SHISA9: variants seen among roughly 807,000 people sequenced by gnomAD.
SHISA9 encodes the protein shisa family member 9.
In SHISA9, 13 loss-of-function variants were observed where a neutral mutation model predicts 38.0. The ratio of observed to expected loss-of-function variants is 0.34; its 90% CI spans 0.22 to 0.54. The LOEUF is 0.54. Among genes scored for constraint, SHISA9 ranks in the 20% least tolerant of loss-of-function variants. The pLI is 0.91. For synonymous variants in SHISA9, 275 were observed against 242.0 expected, an observed-to-expected ratio of 1.14 and a Z score of -1.27; for missense variants, 538 against 575.8, an observed-to-expected ratio of 0.93 and a Z score of 0.67.
chr16:13,176,655 G>A (rs943353249), intron 2 of SHISA9, among the ~76,000 whole-genome samples: 20 of 152,006 alleles, frequency 1.3e-4, no homozygotes, highest in African/African-American at 4.6e-4. Context: ...CATAACTAGT[G>A]ATGCCCATTC....
At chr16:13,234,984 CTCTTCTCTT>C in intron 4 of SHISA9, 37 bp from the exon 5 acceptor site, 1 of 1,492,904 alleles carries the variant, frequency 6.7e-7, no homozygotes, top group East Asian at 2.5e-5. Flanking sequence ...CTCTCTCTCT[CTCTTCTCTT>C]TCTTCCCCTT....
chr16:13,015,894 C>CTTTCTTTCTTTCTT (rs1555454834), intron 2 of SHISA9, among the ~76,000 whole-genome samples: 125 of 126,308 alleles, frequency 9.9e-4, no homozygotes, highest in African/African-American at 4.0e-3. Flanking sequence ...TTCTTTCTTT[C>CTTTCTTTCTTTCTT]TTTCTTTCTT....
intron 2 of SHISA9, among the ~76,000 whole-genome samples, chr16:13,187,328 C>CTTTTCTTTTCTTTTTTTTTTTTTTT (rs1450024008): frequency 3.3e-5 from 3 of 90,676 alleles, no homozygotes; most frequent in East Asian, 4.3e-4. Context: ...CTTTTCTTTT[C>CTTTTCTTTTCTTTTTTTTTTTTTTT]TTTTTTTTTT....
chr16:13,229,935 T>C (rs1011654928), intron 4 of SHISA9, among the ~76,000 whole-genome samples: 1 of 152,168 alleles, frequency 6.6e-6, no homozygotes, highest in Non-Finnish European at 1.5e-5. Context: ...GGGGACCTCA[T>C]TATAAGTACT....
chr16:12,942,230 A>T, intron 2 of SHISA9, among the ~76,000 whole-genome samples: 1 of 152,190 alleles, frequency 6.6e-6, no homozygotes, highest in Non-Finnish European at 1.5e-5. Flanking sequence ...ATTCTCTTGT[A>T]TTTCCCTCCT....
At chr16:13,168,813 G>A (rs1318552538) in intron 2 of SHISA9, among the ~76,000 whole-genome samples, 1 of 152,214 alleles carries the variant, frequency 6.6e-6, no homozygotes, top group East Asian at 1.9e-4. Flanking sequence ...GTGTGGCCTT[G>A]GCCAAGTCAC....
chr16:13,421,034 T>G, the SHISA9 span, among the ~76,000 whole-genome samples: 1 of 152,180 alleles, frequency 6.6e-6, no homozygotes, highest in Non-Finnish European at 1.5e-5. Flanking sequence ...TTTTCAATAC[T>G]AATTAAACTG....
At chr16:13,029,730 T>C (rs1375610145) in intron 2 of SHISA9, among the ~76,000 whole-genome samples, 2 of 152,236 alleles carry the variant, frequency 1.3e-5, no homozygotes, top group Non-Finnish European at 2.9e-5. Context: ...CTCACTTAAT[T>C]GTGGGATCTG....
the SHISA9 span, among the ~76,000 whole-genome samples, chr16:13,420,059 A>G: frequency 6.6e-6 from 1 of 152,086 alleles, no homozygotes; most frequent in African/African-American, 2.4e-5. Flanking sequence ...CAGGCTGGCC[A>G]ACATGGCGAA....
At chr16:13,289,391 TG>T in the SHISA9 span, among the ~76,000 whole-genome samples, 2 of 144,800 alleles carry the variant, frequency 1.4e-5, no homozygotes, top group Admixed American at 7.0e-5. Context: ...GTGGCAGGGT[TG>T]GGGGGTGCTG....
chr16:13,400,027 C>G, the SHISA9 span, among the ~76,000 whole-genome samples: 1 of 152,208 alleles, frequency 6.6e-6, no homozygotes, highest in Non-Finnish European at 1.5e-5. Flanking sequence ...GCCTATCCAT[C>G]TCAGAACTCA....
intron 2 of SHISA9, among the ~76,000 whole-genome samples, chr16:13,027,701 C>T (rs1445422552): frequency 4.6e-5 from 7 of 151,732 alleles, no homozygotes; most frequent in African/African-American, 1.2e-4. Flanking sequence ...CTGAGGCAGG[C>T]GGATCACCTC....
chr16:13,457,472 CAT>C, the SHISA9 span, among the ~76,000 whole-genome samples: 17 of 152,182 alleles, frequency 1.1e-4, no homozygotes, highest in East Asian at 3.3e-3. Flanking sequence ...CTCACAGCCA[CAT>C]GTCTGCCCCA....
At chr16:13,539,646 A>G in the SHISA9 span, among the ~76,000 whole-genome samples, 1 of 152,274 alleles carries the variant, frequency 6.6e-6, no homozygotes, top group African/African-American at 2.4e-5. Context: ...TGCAATCTAC[A>G]TGTGTAAATC....
the SHISA9 span, among the ~76,000 whole-genome samples, chr16:13,276,942 G>A: frequency 6.6e-6 from 1 of 152,070 alleles, no homozygotes; most frequent in African/African-American, 2.4e-5. Flanking sequence ...ATTTATCTTT[G>A]TTTTTATTGC....
intron 3 of SHISA9, among the ~76,000 whole-genome samples, chr16:13,208,688 C>T (rs1482773434): frequency 2.0e-5 from 3 of 152,038 alleles, no homozygotes; most frequent in South Asian, 2.1e-4. Flanking sequence ...GTGGCTAAAC[C>T]GTATAGGACT....
intron 2 of SHISA9, among the ~76,000 whole-genome samples, chr16:13,073,405 C>T (rs887383269): frequency 1.3e-5 from 2 of 152,146 alleles, no homozygotes; most frequent in African/African-American, 4.8e-5. Flanking sequence ...TACCAGAACA[C>T]AAAGTCACTT....
chr16:13,282,477 A>C, the SHISA9 span, among the ~76,000 whole-genome samples: 1 of 151,960 alleles, frequency 6.6e-6, no homozygotes, highest in Non-Finnish European at 1.5e-5. Flanking sequence ...GAGTGTGGTT[A>C]TATTTATATT....
chr16:13,275,704 C>T, the SHISA9 span, among the ~76,000 whole-genome samples: 1 of 151,838 alleles, frequency 6.6e-6, no homozygotes, highest in African/African-American at 2.4e-5. Context: ...AATAAAATCA[C>T]CTTGGCTTTT....
Sources: allele counts gnomAD v4.1 joint callset (sites outside exome capture counted in the v4.1 genomes callset), GRCh38; gene constraint gnomAD v4.1.1; transcripts MANE v1.5; gene names NCBI Gene and HGNC (gene_info 2026-07-23, HGNC 2026-07-21).